Variants in ACO1 observed in about 807,000 individuals in gnomAD.
The protein encoded by ACO1 is cytoplasmic aconitate hydratase.
In ACO1, 78 loss-of-function variants were observed where a neutral mutation model predicts 105.1. The observed-to-expected ratio is 0.74, with a 90% CI of 0.62 to 0.90. The LOEUF (loss-of-function observed/expected upper bound fraction) is 0.90, where lower values mean the gene tolerates loss of function less well. ACO1 is among the 40% of genes least tolerant of loss of function. The pLI, the probability that ACO1 is intolerant of heterozygous loss-of-function variation, is 0.00. For synonymous variants in ACO1, 364 were observed against 397.4 expected, an observed-to-expected ratio of 0.92 and a Z score of 1.00; for missense variants, 965 against 1,111.1, an observed-to-expected ratio of 0.87 and a Z score of 1.87.
Position 32,439,298 on chromosome 9 carries a change from C to G in ACO1, c.2248-1167C>G, listed in dbSNP as rs1162842897. On this transcript the variant is annotated intron_variant, in intron 18 of 20. Coordinates refer to ENST00000309951, the MANE Select transcript of ACO1 (RefSeq NM_002197.3). The surrounding 1 kb of genome is among the most constrained non-coding windows in gnomAD (Gnocchi z 4.0). ...AAGAAGGTTTTCACTGTTTCTATGA[C>G]AGTTTCTATATTTACGAGTTCTGTC... Among the ~76,000 whole-genome samples, 1 of 152,190 alleles carries G rather than the reference C, an allele frequency of 6.6e-6. No individual in the cohort carries two copies. The highest frequency in any genetic ancestry group is 2.1e-4 in the South Asian group (1 of 4,828).
intron 4 of ACO1, among the ~76,000 whole-genome samples, chr9:32,414,944 C>T (rs1821816803): frequency 6.6e-6 from 1 of 152,150 alleles, no homozygotes; most frequent in Non-Finnish European, 1.5e-5. Flanking sequence ...AGTGTAGTCA[C>T]CACAGAGAAG....
At position 32,433,747 on chromosome 9, in the gene ACO1, A is replaced by G. The variant is rs754106444; in HGVS notation, c.1871A>G (p.Asn624Ser). Reference protein sequence around the residue: ...QKIETVNESWNALATPSDKLF... With the variant: ...QKIETVNESWSALATPSDKLF... ...TTTAAGACTGTGAATGAAAGCTGGA[A>G]TGCCTTAGCAACCCCATCAGATAAG... Residue 624 changes from asparagine to serine, a missense_variant, in exon 16 of 21, where the codon AAT becomes AGT. Transcript: ENST00000309951. 1.3e-5 allele frequency: 21 copies of G among 1,610,860 alleles called. No homozygotes were observed. In the Middle Eastern group the frequency reaches 5.0e-4, roughly 38 times the overall value.
chr9:32,393,990 T>A (rs1196792067), intron 1 of ACO1, among the ~76,000 whole-genome samples: 1 of 152,184 alleles, frequency 6.6e-6, no homozygotes, highest in Non-Finnish European at 1.5e-5. Context: ...CAGCTCAGAA[T>A]CCTTTAATGG....
chr9:32,413,306 A>G (rs918703707), intron 4 of ACO1, among the ~76,000 whole-genome samples: 2 of 151,974 alleles, frequency 1.3e-5, no homozygotes, highest in Non-Finnish European at 2.9e-5. Context: ...CAACATGGTA[A>G]AACCATGTCT....
intron 19 of ACO1, 29 bp downstream of exon 19, chr9:32,440,616 C>T: frequency 1.2e-6 from 2 of 1,609,636 alleles, no homozygotes; most frequent in South Asian, 2.2e-5. Flanking sequence ...TCCTAGGAGG[C>T]AGCTCCCCTC....
At chr9:32,426,189 T>C (rs1017266693) in intron 11 of ACO1, among the ~76,000 whole-genome samples, 192 bp downstream of exon 11, 1 of 152,226 alleles carries the variant, frequency 6.6e-6, no homozygotes, top group Admixed American at 6.5e-5. Context: ...TAAAATCGAA[T>C]GCACACTGCA....
chr9:32,419,078 G>A lies in ACO1; in HGVS notation c.699G>A (p.Gln233=), dbSNP rs1730246392. The A allele has an allele frequency of 3.7e-6, 6 of 1,607,350 alleles. No homozygotes were observed. Among genetic ancestry groups the A allele is most frequent in the African/African-American group, 1.3e-5 (1 of 74,550 alleles). Residue 233 remains glutamine, a synonymous_variant, in exon 7 of 21, where the codon CAG becomes CAA. Transcript: ENST00000309951. The stretch of plus-strand genomic sequence containing the variant: ...AAGCAGAAGCTGTCATGCTGGGTCA[G>A]CCAATCAGTATGGTGCTTCCTCAGG... ...GIEAEAVMLG[Q]PISMVLPQVI... is the part of the protein sequence containing the mutation.
intron 19 of ACO1, among the ~76,000 whole-genome samples, chr9:32,442,374 G>A (rs149968854): frequency 4.6e-5 from 7 of 152,260 alleles, no homozygotes; most frequent in Admixed American, 3.3e-4. Flanking sequence ...TGACCCTGGT[G>A]TTGGGCATCT....
rs1291487049 is a variant in ACO1, at chr9:32,423,259, T to A, written c.971-60T>A. ...AATTGCTAATGGAAGTATCAGTTTA[T>A]AAACTTCAACCAGGAAATACTAACC... On this transcript the variant is annotated intron_variant, in intron 8 of 20. Transcript: ENST00000309951. 16 of 976,766 alleles carry A rather than the reference T, an allele frequency of 1.6e-5. No individual in the cohort carries two copies. The Admixed American group carries it at 3.3e-4, about 20-fold the overall frequency. The allele number at this position is 976,766 out of a possible 1,614,324, so 60.5% of individuals were successfully genotyped here. A position where few individuals can be genotyped will look rare whatever the true frequency, so the allele number is the denominator to read the frequency against.
In ACO1 at chr9:32,400,519, T is replaced by C. The variant is rs554405036; in HGVS notation, c.-22-4966T>C. Among the ~76,000 whole-genome samples, 4 of 152,252 alleles carry C rather than the reference T, an allele frequency of 2.6e-5. No homozygotes were observed. The East Asian group carries it at 5.8e-4, about 22-fold the overall frequency. ...CTGTTGGTGAATATCAAAGGACATA[T>C]TGAGGGGAGCAAAGTGGACTTTATC... On this transcript the variant is annotated intron_variant, in intron 1 of 20. Coordinates refer to ENST00000309951, the MANE Select transcript of ACO1 (RefSeq NM_002197.3).
chr9:32,432,794 CAT>C (rs1404504740), intron 15 of ACO1, among the ~76,000 whole-genome samples: 2 of 152,166 alleles, frequency 1.3e-5, no homozygotes, highest in African/African-American at 4.8e-5. Flanking sequence ...AAACAACAAA[CAT>C]ATATTGTCTC....
chr9:32,425,434 A>G (rs767802334), intron 10 of ACO1, among the ~76,000 whole-genome samples: 1 of 152,194 alleles, frequency 6.6e-6, no homozygotes, highest in Non-Finnish European at 1.5e-5. Context: ...CTAAATTTCC[A>G]TAAGGTTAGA....
At chr9:32,385,306 G>T (rs1464196004) in intron 1 of ACO1, among the ~76,000 whole-genome samples, 6 of 152,186 alleles carry the variant, frequency 3.9e-5, no homozygotes, top group Non-Finnish European at 8.8e-5. Context: ...GATTCAGCTA[G>T]CACATCATAA....
At chr9:32,413,631 CTGTG>C (rs925598583) in intron 4 of ACO1, among the ~76,000 whole-genome samples, 8 of 152,202 alleles carry the variant, frequency 5.3e-5, no homozygotes, top group African/African-American at 1.7e-4. Context: ...CTCTGTGAAA[CTGTG>C]TGCTGTGGGC....
Position 32,431,857 on chromosome 9 carries a change from C to A in ACO1, c.1851+14C>A. 15 of 1,613,702 alleles carry A rather than the reference C, an allele frequency of 9.3e-6. 1 individual carries two copies. Among genetic ancestry groups the A allele is most frequent in the Non-Finnish European group, 1.3e-5 (15 of 1,179,846 alleles). On this transcript the variant is annotated intron_variant, in intron 15 of 20. Coordinates refer to ENST00000309951, the MANE Select transcript of ACO1 (RefSeq NM_002197.3). ...CAGAAAATAGAGGTGAGGTCCCACA[C>A]TGCCCTCCCCGCCCCAGAGGATCTA...
chr9:32,396,508 G>A (rs77223191), intron 1 of ACO1, among the ~76,000 whole-genome samples: 2,264 of 152,120 alleles, frequency 0.015, 65 homozygotes, highest in African/African-American at 0.051. Context: ...GGTCTCCTTG[G>A]CCTTCCTTAG....
In ACO1 at chr9:32,418,439, T is replaced by C. The variant is rs1341577365; in HGVS notation, c.586T>C (p.Tyr196His). 1.6e-5 allele frequency: 26 copies of C among 1,614,230 alleles called. No homozygotes were observed. The highest frequency in any genetic ancestry group is 2.2e-5 in the Non-Finnish European group (26 of 1,180,032). ...ARVVFDQDGY[Y>H]YPDSLVGTDS... ...AGTGGTATTTGATCAGGATGGATAT[T>C]ATTACCCAGACAGCCTCGTGGGCAC... The change falls in exon 6 of 21, where the codon TAT becomes CAT. Residue 196 changes from tyrosine (Y) to histidine (H), a missense_variant. Transcript: ENST00000309951.
Position 32,453,000 on chromosome 9 carries a change from G to T in ACO1, c.*2889G>T, listed in dbSNP as rs909908754. The T allele has an allele frequency of 3.0e-5, 4 of 131,350 alleles. No homozygotes were observed. Among genetic ancestry groups the T allele is most frequent in the African/African-American group, 1.2e-4 (4 of 34,558 alleles). 8.1% of individuals were successfully genotyped at this position (131,350 alleles called of 1,614,324 possible). A position where few individuals can be genotyped will look rare whatever the true frequency, so the allele number is the denominator to read the frequency against. ...CCCAAAAAAAAAAGTATCTTGGCCA[G>T]TGTCTCAACCTTGCCCACTAACAAG... On this transcript the variant is annotated 3_prime_UTR_variant, in exon 21 of 21. Transcript: ENST00000309951.
In ACO1 at chr9:32,412,505, A is replaced by C. The variant is rs552295622; in HGVS notation, c.404+3854A>C. ...CTGAGTTCCTGGCAGCCTCAAAAGA[A>C]ATTTAGAAAATGATCTTTCTCCAGT... On this transcript the variant is annotated intron_variant, in intron 4 of 20. Coordinates refer to ENST00000309951, the MANE Select transcript of ACO1 (RefSeq NM_002197.3). 1.5e-3 allele frequency among the ~76,000 whole-genome samples: 235 copies of C among 152,328 alleles called. 1 individual carries two copies. Among genetic ancestry groups the C allele is most frequent in the African/African-American group, 5.5e-3 (230 of 41,572 alleles).
Sources: allele counts gnomAD v4.1 joint callset (sites outside exome capture counted in the v4.1 genomes callset), GRCh38; gene constraint gnomAD v4.1.1; non-coding constraint Gnocchi (gnomAD v3.1); transcripts MANE v1.5; gene names NCBI Gene and HGNC (gene_info 2026-07-23, HGNC 2026-07-21).